Variants in NLRP12 observed in about 807,000 individuals in gnomAD.
NLRP12 encodes NACHT, LRR and PYD domains-containing protein 12.
A neutral mutation model predicts 91.2 loss-of-function variants in NLRP12; 108 were observed. The observed-to-expected ratio is 1.18, with a 90% confidence interval of 1.01 to 1.39. The LOEUF is 1.39. Among genes scored for constraint, NLRP12 ranks in the 40% most tolerant of loss-of-function variants. The pLI is 0.00. For synonymous variants in NLRP12, 613 were observed against 566.7 expected, an observed-to-expected ratio of 1.08 and a Z score of -1.16; for missense variants, 1,530 against 1,352.7, an observed-to-expected ratio of 1.13 and a Z score of -2.06.
chr19:53,823,737 A>G, intron 1 of NLRP12, 149 bp downstream of exon 1: 2 of 892,254 alleles, frequency 2.2e-6, no homozygotes, highest in Non-Finnish European at 3.6e-6. Flanking sequence ...TTTGGTAGAG[A>G]CAGAGCCTCA....
intron 8 of NLRP12, among the ~76,000 whole-genome samples, chr19:53,797,430 T>C (rs1171371463): frequency 1.3e-5 from 2 of 151,232 alleles, no homozygotes; most frequent in East Asian, 2.0e-4. Context: ...GCCTGAATTA[T>C]TATTTTTGAG....
In NLRP12 at chr19:53,810,585, C is replaced by G. The variant is rs756377601; in HGVS notation, c.1074G>C (p.Arg358Ser). Reference sequence around the variant, plus strand: ...CAGAGAAGCCCAGGATCTCCACATGCCTGGGGTGCTCCAGCAGACGGTGGA... The same window carrying G: ...CAGAGAAGCCCAGGATCTCCACATGGCTGGGGTGCTCCAGCAGACGGTGGA... ...EKLHRLLEHP[R>S]HVEILGFSEA... Residue 358 changes from arginine to serine, a missense_variant, in exon 3 of 10, where the codon AGG becomes AGC. Physicochemically the swap from Arg to Ser is moderately radical, Grantham distance 110 (BLOSUM62 -1). Transcript: ENST00000324134. 3 of 1,614,108 alleles carry G rather than the reference C, an allele frequency of 1.9e-6. No homozygotes were observed. Among genetic ancestry groups the G allele is most frequent in the Non-Finnish European group, 2.5e-6 (3 of 1,180,020 alleles).
chr19:53,818,811 C>A (rs1174129925), intron 1 of NLRP12, among the ~76,000 whole-genome samples: 1 of 152,200 alleles, frequency 6.6e-6, no homozygotes, highest in Non-Finnish European at 1.5e-5. Context: ...CTAAGACCTG[C>A]TGATTCAGAA....
At chr19:53,815,095 G>T in intron 1 of NLRP12, 107 bp from the exon 2 acceptor site, 2 of 845,358 alleles carry the variant, frequency 2.4e-6, no homozygotes, top group Non-Finnish European at 2.0e-6. Flanking sequence ...CTGGTCACCC[G>T]CACCCCAGAA....
At chr19:53,798,475 G>A in intron 7 of NLRP12, 62 bp from the exon 8 acceptor site, 1 of 1,535,518 alleles carries the variant, frequency 6.5e-7, no homozygotes, top group Non-Finnish European at 8.9e-7. Context: ...CTGCTGGGAG[G>A]GCCCTGTGCC....
Position 53,810,560 on chromosome 19 carries a change from CAG to C in NLRP12, c.1097_1098del (p.Ser366Ter), listed in dbSNP as rs2092052397. The C allele has an allele frequency of 6.2e-7, 1 of 1,614,158 alleles. No homozygotes were observed. The highest frequency in any genetic ancestry group is 8.5e-7 in the Non-Finnish European group (1 of 1,180,046). The stretch of plus-strand genomic sequence containing the variant: ...TAGAAGTATTCCTTCCTTTCTGCCT[CAG>C]AGAAGCCCAGGATCTCCACATGCCT... The part of the protein sequence containing the change: ...HPRHVEILGF[S>X]EAERKEYFYK... On this transcript the variant is annotated frameshift_variant, in exon 3 of 10. Transcript: ENST00000324134. LOFTEE classifies it high-confidence loss of function.
Position 53,793,845 on chromosome 19 carries a change from G to A in NLRP12, c.*204C>T, listed in dbSNP as rs141410784. 1.3e-3 allele frequency: 859 copies of A among 645,344 alleles called. 5 individuals are homozygous for A. In the African/African-American group the frequency reaches 0.014, roughly 10 times the overall value. The allele number at this position is 645,344 out of a possible 1,614,324, so 40.0% of individuals were successfully genotyped here. On this transcript the variant is annotated 3_prime_UTR_variant, in exon 10 of 10. Transcript: ENST00000324134. Reference sequence around the variant, plus strand: ...CGTGATCCACCTGCCTCGGCCTCTCGAAGTGCTAGGATTACATACATGAGC... The same window carrying A: ...CGTGATCCACCTGCCTCGGCCTCTCAAAGTGCTAGGATTACATACATGAGC...
chr19:53,798,810 C>T (rs796075436), intron 7 of NLRP12, among the ~76,000 whole-genome samples: 31 of 151,744 alleles, frequency 2.0e-4, no homozygotes, highest in East Asian at 1.9e-3. Context: ...GGTGCAATCT[C>T]GGCTCACTGC....
rs772091810 is a variant in NLRP12 at position 53,804,048 on chromosome 19, A to G, written c.2489T>C (p.Val830Ala). 1.2e-6 allele frequency: 2 copies of G among 1,613,946 alleles called. No individual in the cohort carries two copies. Among genetic ancestry groups the G allele is most frequent in the Admixed American group, 1.7e-5 (1 of 59,970 alleles). Reference protein sequence around the residue: ...ASVLGTNPHLVELDLTGNALE... With the variant: ...ASVLGTNPHLAELDLTGNALE... ...TGCATTTCCTGTCAGGTCCAACTCA[A>G]CCAGATGTGGGTTGGTGCCGAGCAC... Residue 830 changes from valine to alanine, a missense_variant, in exon 6 of 10, where the codon GTT (valine) becomes GCT (alanine). By Grantham distance (64) the Val-to-Ala change is moderately conservative (BLOSUM62 0). Transcript: ENST00000324134.
At chr19:53,816,118 G>A (rs1038863532) in intron 1 of NLRP12, among the ~76,000 whole-genome samples, 2 of 151,876 alleles carry the variant, frequency 1.3e-5, no homozygotes, top group Non-Finnish European at 2.9e-5. Flanking sequence ...TACACATCGA[G>A]TCCTTCCTTG....
intron 1 of NLRP12, among the ~76,000 whole-genome samples, chr19:53,821,376 G>T (rs991105014): frequency 1.3e-5 from 2 of 150,784 alleles, no homozygotes; most frequent in Non-Finnish European, 2.9e-5. Context: ...TATAATAAAA[G>T]AAATCATGTT....
chr19:53,799,689 G>C (rs967060941), intron 7 of NLRP12, among the ~76,000 whole-genome samples: 2 of 151,838 alleles, frequency 1.3e-5, no homozygotes, highest in Admixed American at 6.6e-5. Context: ...CACCATGTTG[G>C]CCAGGCTAGT....
In NLRP12 at chr19:53,819,584, T is replaced by C; in HGVS notation, c.289+4302A>G. ...ACGTATATATATGCGTATATATGTATGTATACGTATATACGCATATATATG... is the reference window on the plus strand; with the variant it reads ...ACGTATATATATGCGTATATATGTACGTATACGTATATACGCATATATATG... On this transcript the variant is annotated intron_variant, in intron 1 of 9. Transcript: ENST00000324134. Among the ~76,000 whole-genome samples the C allele has an allele frequency of 6.7e-5, 4 of 59,426 alleles. 2 individuals are homozygous for C. The South Asian group carries it at 1.8e-3, about 27-fold the overall frequency. 39.0% of individuals were successfully genotyped at this position (59,426 alleles called of 152,430 possible).
intron 7 of NLRP12, among the ~76,000 whole-genome samples, chr19:53,798,671 G>A (rs748218123): frequency 1.3e-5 from 2 of 152,180 alleles, no homozygotes; most frequent in Non-Finnish European, 2.9e-5. Flanking sequence ...GGAGGCTTGA[G>A]GCTGGAGGGT....
At chr19:53,797,702 G>A (rs936725813) in intron 8 of NLRP12, among the ~76,000 whole-genome samples, 2 of 145,308 alleles carry the variant, frequency 1.4e-5, no homozygotes, top group Non-Finnish European at 1.5e-5. Context: ...CAGGCATTAA[G>A]CTACCGTGCC....
intron 3 of NLRP12, 45 bp downstream of exon 3, chr19:53,809,542 C>CCAA: frequency 3.2e-6 from 3 of 944,838 alleles, no homozygotes; most frequent in Non-Finnish European, 4.5e-6. Flanking sequence ...AAAAAAAAAA[C>CCAA]ACACGAACCT....
chr19:53,819,409 TAATA>T (rs1287305472), intron 1 of NLRP12, among the ~76,000 whole-genome samples: 1 of 67,402 alleles, frequency 1.5e-5, no homozygotes, highest in Non-Finnish European at 2.8e-5. Context: ...TACGCCTGGC[TAATA>T]TATATATATA....
chr19:53,824,302 T>A lies in NLRP12; in HGVS notation c.-128A>T. On this transcript the variant is annotated 5_prime_UTR_variant, in exon 1 of 10. Transcript: ENST00000324134. ...GCAGCGGGCGGAGAGGCTGAGCCAG[T>A]GGTTGGAGGAGAGAGCAAGGGAGGA... The A allele has an allele frequency of 1.0e-6, 1 of 972,620 alleles. No homozygotes were observed. Among genetic ancestry groups the A allele is most frequent in the Non-Finnish European group, 1.6e-6 (1 of 631,710 alleles). 60.2% of individuals were successfully genotyped at this position (972,620 alleles called of 1,614,324 possible). A position where few individuals can be genotyped will look rare whatever the true frequency, so the allele number is the denominator to read the frequency against.
At position 53,801,070 on chromosome 19, in the gene NLRP12, G is replaced by A. The variant is rs144608928; in HGVS notation, c.2756+157C>T. On this transcript the variant is annotated intron_variant, in intron 7 of 9. Transcript: ENST00000324134. ...TAGCTGGGCTTGGTGGCGGGCGCCTGTAATCTCAGCTACTTGGGAGTCTCA... is the reference window on the plus strand; with the variant it reads ...TAGCTGGGCTTGGTGGCGGGCGCCTATAATCTCAGCTACTTGGGAGTCTCA... Among the ~76,000 whole-genome samples, 144 of 148,928 alleles carry A rather than the reference G, an allele frequency of 9.7e-4. 1 individual carries two copies. Among genetic ancestry groups the A allele is most frequent in the Middle Eastern group, 3.4e-3 (1 of 290 alleles).
Sources: allele counts gnomAD v4.1 joint callset (sites outside exome capture counted in the v4.1 genomes callset), GRCh38; gene constraint gnomAD v4.1.1; transcripts MANE v1.5; gene names NCBI Gene and HGNC (gene_info 2026-07-23, HGNC 2026-07-21).